DLGAP1: variants seen among roughly 807,000 people sequenced by gnomAD.
DLGAP1 encodes disks large-associated protein 1.
In DLGAP1, 11 loss-of-function variants were observed where a neutral mutation model predicts 90.8. The ratio of observed to expected loss-of-function variants is 0.12; its 90% CI spans 0.08 to 0.20. The LOEUF is 0.20. Among genes scored for constraint, DLGAP1 ranks in the 10% least tolerant of loss-of-function variants. The pLI is 1.00. For synonymous variants in DLGAP1, 558 were observed against 540.7 expected (o/e 1.03, Z -0.44); for missense variants, 1,050 against 1,333.8 (o/e 0.79, Z 3.31).
At chr18:4,145,347 C>T in intron 2 of DLGAP1, among the ~76,000 whole-genome samples, 1 of 152,176 alleles carries the variant, frequency 6.6e-6, no homozygotes, top group Middle Eastern at 3.4e-3. Context: ...GACATAAAAA[C>T]TATAGAATAG....
chr18:3,844,174 A>G (rs1431271466), intron 4 of DLGAP1, among the ~76,000 whole-genome samples: 2 of 152,228 alleles, frequency 1.3e-5, no homozygotes, highest in African/African-American at 4.8e-5. Flanking sequence ...TATTTCTCCA[A>G]TATTTCCCAC....
At chr18:3,965,612 T>C (rs1460082534) in intron 3 of DLGAP1, among the ~76,000 whole-genome samples, 1 of 152,098 alleles carries the variant, frequency 6.6e-6, no homozygotes, top group Non-Finnish European at 1.5e-5. Flanking sequence ...TCAACAAACA[T>C]GCTTGTGTGT....
intron 3 of DLGAP1, among the ~76,000 whole-genome samples, chr18:3,984,536 C>T (rs965253813): frequency 2.0e-5 from 3 of 152,150 alleles, no homozygotes; most frequent in Admixed American, 6.5e-5. Context: ...GACTGATGTA[C>T]TCCTCTCACA....
intron 6 of DLGAP1, among the ~76,000 whole-genome samples, chr18:3,737,127 C>A (rs1303417580): frequency 6.8e-6 from 1 of 146,310 alleles, no homozygotes; most frequent in Admixed American, 6.8e-5. Context: ...TGGCAATAAT[C>A]AATAGCTTAC....
intron 6 of DLGAP1, among the ~76,000 whole-genome samples, chr18:3,739,293 T>C (rs1568043646): frequency 6.6e-6 from 1 of 150,872 alleles, no homozygotes; most frequent in Non-Finnish European, 1.5e-5. Context: ...CCCAAAGGAC[T>C]ATAAATCATG....
chr18:4,102,246 T>C (rs2075791388), intron 2 of DLGAP1, among the ~76,000 whole-genome samples: 1 of 152,240 alleles, frequency 6.6e-6, no homozygotes, highest in Admixed American at 6.5e-5. Context: ...TGTCACTTTC[T>C]GGAAACAGTA....
rs72860629 is a variant in DLGAP1 at position 4,202,035 on chromosome 18, C to T, written c.-266-50748G>A. ...GACCCCTGAGCTTTTATGTTTATTG[C>T]AGCATAATTCATAATTGCAAAAATA... On this transcript the variant is annotated intron_variant, in intron 1 of 12. Coordinates refer to ENST00000315677, the MANE Select transcript of DLGAP1 (RefSeq NM_004746.4). Among the ~76,000 whole-genome samples, 52 of 151,990 alleles carry T rather than the reference C, an allele frequency of 3.4e-4. 1 individual carries two copies. The East Asian group carries it at 7.2e-3, about 21-fold the overall frequency.
chr18:4,099,444 T>TTTCC, intron 2 of DLGAP1, among the ~76,000 whole-genome samples: 1 of 152,310 alleles, frequency 6.6e-6, no homozygotes, highest in Admixed American at 6.5e-5. Flanking sequence ...TTTTTTTCAG[T>TTTCC]TTCCCAATGC....
intron 4 of DLGAP1, 111 bp from the exon 5 acceptor site, chr18:3,814,384 TGGGGTCTTGC>T: frequency 1.1e-6 from 1 of 928,554 alleles, no homozygotes; most frequent in Non-Finnish European, 1.5e-6. Flanking sequence ...TTTTTTGAGA[TGGGGTCTTGC>T]TTTGTCGCCC....
intron 1 of DLGAP1, among the ~76,000 whole-genome samples, chr18:4,399,410 C>G (rs532039632): frequency 4.1e-4 from 63 of 152,204 alleles, no homozygotes; most frequent in Non-Finnish European, 7.4e-5. Flanking sequence ...TTAAAAAATC[C>G]TTGTAAAATA....
chr18:4,435,748 T>G (rs2083385444), intron 1 of DLGAP1, among the ~76,000 whole-genome samples: 1 of 152,224 alleles, frequency 6.6e-6, no homozygotes, highest in Non-Finnish European at 1.5e-5. Context: ...AGATAAAAGC[T>G]GCCCAACTTC....
intron 1 of DLGAP1, among the ~76,000 whole-genome samples, chr18:4,245,251 A>G (rs1040959588): frequency 3.9e-5 from 6 of 152,124 alleles, no homozygotes; most frequent in African/African-American, 1.4e-4. Flanking sequence ...AAATCCGAAT[A>G]TTTTCATATT....
chr18:4,386,053 C>T (rs149029586), intron 1 of DLGAP1, among the ~76,000 whole-genome samples: 5 of 152,192 alleles, frequency 3.3e-5, no homozygotes, highest in African/African-American at 1.2e-4. Context: ...TGAAGTGTCA[C>T]ATTTAAGGGT....
intron 5 of DLGAP1, among the ~76,000 whole-genome samples, chr18:3,809,765 A>T (rs143588286): frequency 1.3e-3 from 191 of 152,304 alleles, no homozygotes; most frequent in African/African-American, 4.3e-3. Context: ...TTTAAATGAC[A>T]CCCCACTTAA....
intron 1 of DLGAP1, among the ~76,000 whole-genome samples, chr18:4,448,662 C>A (rs2083731110): frequency 6.6e-6 from 1 of 152,054 alleles, no homozygotes; most frequent in South Asian, 2.1e-4. Flanking sequence ...TTAACATATC[C>A]CCAAGGCTGG....
chr18:4,110,818 T>A (rs180883067), intron 2 of DLGAP1, among the ~76,000 whole-genome samples: 197 of 152,320 alleles, frequency 1.3e-3, no homozygotes, highest in Non-Finnish European at 2.1e-3. Flanking sequence ...CACATTTTGT[T>A]AATTTACTTT....
chr18:4,079,287 TCACACACACACACACACACACA>T (rs6146196), intron 2 of DLGAP1, among the ~76,000 whole-genome samples: 8 of 142,508 alleles, frequency 5.6e-5, no homozygotes, highest in African/African-American at 1.8e-4. Flanking sequence ...AAAGAAAATG[TCACACACACACACACACACACA>T]CACACACACA....
intron 8 of DLGAP1, chr18:3,580,740 C>T: frequency 6.2e-7 from 1 of 1,613,562 alleles, no homozygotes; most frequent in Non-Finnish European, 8.5e-7. Flanking sequence ...GACAGCCACG[C>T]ACCATCCCCT....
chr18:3,780,519 T>C (rs1366797939), intron 5 of DLGAP1, among the ~76,000 whole-genome samples: 2 of 113,576 alleles, frequency 1.8e-5, no homozygotes, highest in Non-Finnish European at 3.7e-5. Flanking sequence ...GCTGGGTCTG[T>C]CCAGGTCCCC....
Sources: allele counts gnomAD v4.1 joint callset (sites outside exome capture counted in the v4.1 genomes callset), GRCh38; gene constraint gnomAD v4.1.1; transcripts MANE v1.5; gene names NCBI Gene and HGNC (gene_info 2026-07-23, HGNC 2026-07-21).